Variants in ADGRL3 observed in about 807,000 individuals in gnomAD.
ADGRL3 encodes the protein calcium-independent alpha-latrotoxin receptor 3.
Under a neutral mutation model 153.5 loss-of-function variants are expected in ADGRL3, and 62 were observed. The ratio of observed to expected loss-of-function variants is 0.40; its 90% CI spans 0.33 to 0.50. The LOEUF (loss-of-function observed/expected upper bound fraction) is 0.50, where lower values mean the gene tolerates loss of function less well. Among genes scored for constraint, ADGRL3 ranks in the 20% least tolerant of loss-of-function variants. The probability of loss-of-function intolerance (pLI) is 0.47; values close to 1 mark genes in which losing one functional copy is unlikely to be tolerated. For missense variants in ADGRL3, 1,641 were observed against 1,859.4 expected (o/e 0.88, Z 2.16); for synonymous variants, 710 against 672.5 (o/e 1.06, Z -0.86).
At chr4:61,563,616 A>G (rs911916015) in intron 4 of ADGRL3, among the ~76,000 whole-genome samples, 1 of 152,236 alleles carries the variant, frequency 6.6e-6, no homozygotes, top group African/African-American at 2.4e-5. Flanking sequence ...CACATTCAAC[A>G]AGTATCTTAG....
At chr4:61,531,642 G>C (rs2098616478) in intron 4 of ADGRL3, among the ~76,000 whole-genome samples, 1 of 152,074 alleles carries the variant, frequency 6.6e-6, no homozygotes, top group African/African-American at 2.4e-5. Context: ...TCCTACTTGG[G>C]AAGAAATTAC....
intron 8 of ADGRL3, among the ~76,000 whole-genome samples, chr4:61,760,565 C>G (rs2096899600): frequency 6.6e-6 from 1 of 152,226 alleles, no homozygotes; most frequent in Non-Finnish European, 1.5e-5. Context: ...TCACCCCTTT[C>G]TTTGACTAGG....
At chr4:61,912,895 C>A (rs1265043166) in intron 13 of ADGRL3, 138 bp downstream of exon 13, 2 of 778,058 alleles carry the variant, frequency 2.6e-6, no homozygotes, top group East Asian at 5.2e-5. Context: ...AGGGTGGGAA[C>A]AGAAAGCATG....
chr4:61,372,346 C>T (rs1453852505), intron 1 of ADGRL3, among the ~76,000 whole-genome samples: 1 of 151,842 alleles, frequency 6.6e-6, no homozygotes, highest in African/African-American at 2.4e-5. Flanking sequence ...CTGTTTTTTC[C>T]CCATCTTTGT....
chr4:62,043,159 G>T (rs1012941318), intron 24 of ADGRL3, among the ~76,000 whole-genome samples: 9 of 152,042 alleles, frequency 5.9e-5, no homozygotes, highest in African/African-American at 2.2e-4. Flanking sequence ...ACTGTATGGA[G>T]ATTTGTGGGC....
chr4:61,700,989 C>T (rs1254739241), intron 6 of ADGRL3, among the ~76,000 whole-genome samples: 1 of 152,172 alleles, frequency 6.6e-6, no homozygotes, highest in African/African-American at 2.4e-5. Flanking sequence ...TGGATTCCTT[C>T]AGAGTCGTTA....
intron 1 of ADGRL3, among the ~76,000 whole-genome samples, chr4:61,316,040 G>T (rs1258999978): frequency 6.6e-6 from 1 of 152,016 alleles, no homozygotes; most frequent in East Asian, 1.9e-4. Flanking sequence ...CCATTTGGGG[G>T]AGACAGATTA....
intron 15 of ADGRL3, among the ~76,000 whole-genome samples, chr4:61,945,962 C>T (rs1453317188): frequency 6.6e-6 from 1 of 152,122 alleles, no homozygotes; most frequent in Non-Finnish European, 1.5e-5. Context: ...GCTCCTCCTC[C>T]TAGTATATTC....
intron 4 of ADGRL3, among the ~76,000 whole-genome samples, chr4:61,547,536 T>C (rs927246262): frequency 2.0e-5 from 3 of 152,060 alleles, no homozygotes; most frequent in Admixed American, 2.0e-4. Flanking sequence ...CCTGTGTTAG[T>C]TTACTTAGGA....
At chr4:61,893,709 CTTT>C (rs34248874) in intron 10 of ADGRL3, among the ~76,000 whole-genome samples, 1 of 97,424 alleles carries the variant, frequency 1.0e-5, no homozygotes, top group Admixed American at 1.4e-4. Flanking sequence ...ATTTCTTTGC[CTTT>C]TTTTTTTTTT....
intron 21 of ADGRL3, among the ~76,000 whole-genome samples, chr4:62,013,465 C>T (rs2099196219): frequency 6.6e-6 from 1 of 151,774 alleles, no homozygotes; most frequent in Non-Finnish European, 1.5e-5. Flanking sequence ...TCACTTGAAC[C>T]TGGGAGGCGG....
rs1485666619 is a variant in ADGRL3 at position 61,317,914 on chromosome 4, G to A, written c.-239-65210G>A. On this transcript the variant is annotated intron_variant, in intron 1 of 26. Coordinates refer to ENST00000683033, the MANE Select transcript of ADGRL3 (RefSeq NM_001387552.1). ...TATAGGGACAGGCATGGTGGCTCAC[G>A]CCTGTAATCCCAGCATTTTGGGAGG... Among the ~76,000 whole-genome samples, 4 of 152,114 alleles carry A rather than the reference G, an allele frequency of 2.6e-5. No homozygotes were observed. The East Asian group carries it at 7.7e-4, about 29-fold the overall frequency.
At chr4:61,906,564 T>C (rs2098696683) in intron 11 of ADGRL3, among the ~76,000 whole-genome samples, 1 of 152,196 alleles carries the variant, frequency 6.6e-6, no homozygotes, top group Non-Finnish European at 1.5e-5. Flanking sequence ...TTGTGGTTGA[T>C]ACTTTGAGTT....
intron 17 of ADGRL3, among the ~76,000 whole-genome samples, chr4:61,973,220 A>T (rs1362119220): frequency 6.6e-6 from 1 of 152,024 alleles, no homozygotes; most frequent in Non-Finnish European, 1.5e-5. Context: ...TTTTTAAATC[A>T]TAAGGCAAAA....
intron 21 of ADGRL3, among the ~76,000 whole-genome samples, chr4:62,002,295 A>C (rs1040909531): frequency 6.8e-6 from 1 of 148,086 alleles, no homozygotes; most frequent in Admixed American, 6.9e-5. Context: ...CATTTTATGC[A>C]TTTTGGCCCT....
At chr4:61,859,613 C>T (rs2098318888) in intron 9 of ADGRL3, among the ~76,000 whole-genome samples, 1 of 152,082 alleles carries the variant, frequency 6.6e-6, no homozygotes, top group Non-Finnish European at 1.5e-5. Flanking sequence ...GACATAGAAA[C>T]AACAGTAACC....
intron 1 of ADGRL3, among the ~76,000 whole-genome samples, chr4:61,324,476 G>C (rs968784054): frequency 6.6e-6 from 1 of 152,110 alleles, no homozygotes; most frequent in Non-Finnish European, 1.5e-5. Flanking sequence ...AGAAGATGTA[G>C]TAAGGTAGAT....
At chr4:61,698,417 A>T (rs1332503543) in intron 6 of ADGRL3, among the ~76,000 whole-genome samples, 1 of 152,052 alleles carries the variant, frequency 6.6e-6, no homozygotes, top group Non-Finnish European at 1.5e-5. Flanking sequence ...ACGCCACTGC[A>T]CTCCAGTCTG....
chr4:61,393,274 A>G (rs1222976244), intron 2 of ADGRL3, among the ~76,000 whole-genome samples: 2 of 152,150 alleles, frequency 1.3e-5, no homozygotes, highest in Non-Finnish European at 2.9e-5. Context: ...GTCAGAAGTC[A>G]ATGATATGCA....
Sources: allele counts gnomAD v4.1 joint callset (sites outside exome capture counted in the v4.1 genomes callset), GRCh38; gene constraint gnomAD v4.1.1; transcripts MANE v1.5; gene names NCBI Gene and HGNC (gene_info 2026-07-23, HGNC 2026-07-21).